The following NPRL3 variants were observed in gnomAD, a reference collection of about 807,000 sequenced individuals.
The protein encoded by NPRL3 is GATOR1 complex protein NPRL3.
In NPRL3, 23 loss-of-function variants were observed where a neutral mutation model predicts 57.2. That is an observed-to-expected ratio of 0.40 (90% CI 0.29 to 0.57). The LOEUF (loss-of-function observed/expected upper bound fraction) is 0.57. Ranked by LOEUF, NPRL3 falls within the 20% of genes least tolerant of loss-of-function variation. The pLI, the probability that NPRL3 is intolerant of heterozygous loss-of-function variation, is 0.42. For synonymous variants in NPRL3, 333 were observed against 321.1 expected, an observed-to-expected ratio of 1.04 and a Z score of -0.39; for missense variants, 691 against 767.1, an observed-to-expected ratio of 0.90 and a Z score of 1.17.
rs1445140154 is a variant in NPRL3 at position 99,962 on chromosome 16, AAAAAAAAAAAAAAAAG to A, written c.767+394_767+409del. Among the ~76,000 whole-genome samples, 1,134 of 142,396 alleles carry A rather than the reference AAAAAAAAAAAAAAAAG, an allele frequency of 8.0e-3. 21 individuals carry two copies. The highest frequency in any genetic ancestry group is 0.03 in the African/African-American group (1,063 of 34,946). The allele number at this position is 142,396 out of a possible 152,430, so 93.4% of individuals were successfully genotyped here. ...CTCACACACACACACACCCCCGCAAAAAAAAAAAAAAAAAAGAAAAAGAAAAAAAAAAGAAAAAGAA... is the reference window on the plus strand; with the variant it reads ...CTCACACACACACACACCCCCGCAAAAAAAAGAAAAAAAAAAGAAAAAGAA... On this transcript the variant is annotated intron_variant, in intron 8 of 13. Coordinates refer to ENST00000611875, the MANE Select transcript of NPRL3 (RefSeq NM_001077350.3).
Position 85,901 on chromosome 16 carries a change from T to C in NPRL3, c.*804A>G. On this transcript the variant is annotated 3_prime_UTR_variant, in exon 14 of 14. Transcript: ENST00000611875. The stretch of plus-strand genomic sequence containing the variant: ...ATCAACCCATGTCTGGAGCTAGCTC[T>C]TCCTCCAGGACACGAGAGCTGGGGG... The C allele has an allele frequency of 1.7e-6, 2 of 1,150,888 alleles. No homozygotes were observed. The highest frequency in any genetic ancestry group is 1.1e-6 in the Non-Finnish European group (1 of 886,948). The allele number at this position is 1,150,888 out of a possible 1,614,324, so 71.3% of individuals were successfully genotyped here. A position where few individuals can be genotyped will look rare whatever the true frequency, so the allele number is the denominator to read the frequency against.
At chr16:113,638 G>C (rs566715910) in intron 5 of NPRL3, among the ~76,000 whole-genome samples, 1 of 152,314 alleles carries the variant, frequency 6.6e-6, no homozygotes, top group South Asian at 2.1e-4. Context: ...AGTGCTTCTG[G>C]AGGCCAACAG....
intron 5 of NPRL3, among the ~76,000 whole-genome samples, chr16:116,258 T>A (rs1596525729): frequency 6.6e-6 from 1 of 152,144 alleles, no homozygotes; most frequent in Non-Finnish European, 1.5e-5. Flanking sequence ...CCCACAGGGG[T>A]TATCGGTGTT....
In NPRL3 at chr16:117,386, T is replaced by C; in HGVS notation, c.319-11A>G. 6.3e-7 allele frequency: 1 copy of C among 1,584,462 alleles called. No homozygotes were observed. Among genetic ancestry groups the C allele is most frequent in the Non-Finnish European group, 8.6e-7 (1 of 1,157,058 alleles). On this transcript the variant is annotated splice_polypyrimidine_tract_variant and intron_variant, in intron 4 of 13. Coordinates refer to ENST00000611875, the MANE Select transcript of NPRL3 (RefSeq NM_001077350.3). ...ATCTGTTTTGGAGATCTGTAAAAGATGCATAATTCTAATTAATTGAGACGA... is the reference window on the plus strand; with the variant it reads ...ATCTGTTTTGGAGATCTGTAAAAGACGCATAATTCTAATTAATTGAGACGA...
At chr16:108,962 G>A (rs1016633034) in intron 7 of NPRL3, among the ~76,000 whole-genome samples, 6 of 151,732 alleles carry the variant, frequency 4.0e-5, no homozygotes, top group East Asian at 1.9e-4. Context: ...GAGCCACCGC[G>A]CCCGGCCTTT....
At chr16:113,429 C>A (rs773602016) in intron 5 of NPRL3, among the ~76,000 whole-genome samples, 1 of 152,216 alleles carries the variant, frequency 6.6e-6, no homozygotes, top group Non-Finnish European at 1.5e-5. Context: ...CCAAGAGCTC[C>A]TTCTGCAACC....
chr16:114,048 T>C (rs1271497107), intron 5 of NPRL3, among the ~76,000 whole-genome samples: 1 of 152,146 alleles, frequency 6.6e-6, no homozygotes, highest in South Asian at 2.1e-4. Context: ...ATGGGGTGTA[T>C]ACAATTGCCT....
Position 85,885 on chromosome 16 carries a change from T to G in NPRL3, c.*820A>C, listed in dbSNP as rs970720951. The G allele has an allele frequency of 1.3e-5, 16 of 1,242,128 alleles. No individual in the cohort carries two copies. Among genetic ancestry groups the G allele is most frequent in the Middle Eastern group, 3.0e-4 (1 of 3,354 alleles). 76.9% of individuals were successfully genotyped at this position (1,242,128 alleles called of 1,614,324 possible). A position where few individuals can be genotyped will look rare whatever the true frequency, so the allele number is the denominator to read the frequency against. On this transcript the variant is annotated 3_prime_UTR_variant, in exon 14 of 14. Transcript: ENST00000611875. ...AGAGCTCCTCTAGGTGATCAACCCA[T>G]GTCTGGAGCTAGCTCTTCCTCCAGG... is the stretch of plus-strand genomic sequence containing the variant.
chr16:125,861 C>T (rs1426079938), intron 3 of NPRL3: 1 of 152,122 alleles, frequency 6.6e-6, no homozygotes, highest in Non-Finnish European at 1.5e-5. Context: ...AAAACACAAG[C>T]TAATAGAGGC....
At chr16:124,411 A>G (rs13331107) in intron 3 of NPRL3, among the ~76,000 whole-genome samples, 10,035 of 151,634 alleles carry the variant, frequency 0.066, 568 homozygotes, top group African/African-American at 0.15. Context: ...ATGCTACTCA[A>G]GCTGGTCTCA....
Position 121,447 on chromosome 16 carries a change from A to AC in NPRL3, c.189-2193dup, listed in dbSNP as rs202205759. On this transcript the variant is annotated intron_variant, in intron 3 of 13. Coordinates refer to ENST00000611875, the MANE Select transcript of NPRL3 (RefSeq NM_001077350.3). ...AGACCAGCATGGCCAACATAATGAA[A>AC]CCCCCGTCTCTACTAAAAATACAAA... Among the ~76,000 whole-genome samples, 456 of 151,400 alleles carry AC rather than the reference A, an allele frequency of 3.0e-3. 17 individuals carry two copies. In the East Asian group the frequency reaches 0.08, roughly 27 times the overall value.
At chr16:87,248 G>A (rs1406289912) in intron 13 of NPRL3, among the ~76,000 whole-genome samples, 2 of 149,772 alleles carry the variant, frequency 1.3e-5, no homozygotes, top group Admixed American at 6.6e-5. Flanking sequence ...TCCTTTTTTT[G>A]AGAGACGGAG....
chr16:100,814 T>C (rs1370488174), intron 7 of NPRL3, among the ~76,000 whole-genome samples: 2 of 147,318 alleles, frequency 1.4e-5, no homozygotes, highest in African/African-American at 5.0e-5. Context: ...CTACTAAAAA[T>C]ACAAAAATTA....
intron 2 of NPRL3, among the ~76,000 whole-genome samples, chr16:135,464 C>T (rs1901027013): frequency 6.6e-6 from 1 of 152,040 alleles, no homozygotes. Flanking sequence ...CAAAAATTAG[C>T]CAGGCGTGGT....
chr16:85,749 G>C lies in NPRL3; in HGVS notation c.*956C>G. The C allele has an allele frequency of 6.6e-7, 1 of 1,513,358 alleles. No homozygotes were observed. The highest frequency in any genetic ancestry group is 1.3e-5 in the South Asian group (1 of 75,378). The allele number at this position is 1,513,358 out of a possible 1,614,324, so 93.7% of individuals were successfully genotyped here. On this transcript the variant is annotated 3_prime_UTR_variant, in exon 14 of 14. Transcript: ENST00000611875. ...AGCCCCTGGGTCAGTGTGGTCGACA[G>C]AGTGGCTGAGCAGGACACACAGGCC...
intron 3 of NPRL3, among the ~76,000 whole-genome samples, chr16:123,232 G>T (rs2141967333): frequency 6.6e-6 from 1 of 152,272 alleles, no homozygotes; most frequent in South Asian, 2.1e-4. Context: ...GAGGAGGTTT[G>T]TGTGACATGC....
chr16:98,277 G>GAGC lies in NPRL3; in HGVS notation c.789_791dup (p.Leu264dup). ...CACCCAGCAAGGACTTCTCATCACT[G>GAGC]AGCAGCAGCAGGGCATGGTAGGGGC... is the stretch of plus-strand genomic sequence containing the variant. On this transcript the variant is annotated inframe_insertion, in exon 9 of 14. Coordinates refer to ENST00000611875, the MANE Select transcript of NPRL3 (RefSeq NM_001077350.3). 6.2e-7 allele frequency: 1 copy of GAGC among 1,613,926 alleles called. No individual in the cohort carries two copies. The highest frequency in any genetic ancestry group is 1.3e-5 in the African/African-American group (1 of 75,054).
intron 7 of NPRL3, among the ~76,000 whole-genome samples, chr16:108,955 C>T (rs1196335112): frequency 6.6e-6 from 1 of 151,982 alleles, no homozygotes; most frequent in Non-Finnish European, 1.5e-5. Flanking sequence ...CAGGTGTGAG[C>T]CACCGCGCCC....
At chr16:92,837 G>A (rs1898821573) in intron 10 of NPRL3, 112 bp from the exon 11 acceptor site, 3 of 1,390,558 alleles carry the variant, frequency 2.2e-6, no homozygotes, top group Non-Finnish European at 3.0e-6. Context: ...TCAGGACAGT[G>A]CGATGAGGGC....
Sources: gnomAD v4.1 joint callset for allele counts (sites outside exome capture counted in the v4.1 genomes callset) on GRCh38, gnomAD v4.1.1 for gene constraint, MANE v1.5 for transcripts, NCBI Gene and HGNC (gene_info 2026-07-23, HGNC 2026-07-21) for gene names.